The following PIK3C2G variants were observed in gnomAD, a reference collection of about 807,000 sequenced individuals.
PIK3C2G encodes phosphatidylinositol-4-phosphate 3-kinase catalytic subunit type 2 gamma, also known as phosphatidylinositol 3-kinase C2 domain-containing subunit gamma.
PIK3C2G carries 168 observed loss-of-function variants against 181.1 expected under a neutral mutation model. The ratio of observed to expected loss-of-function variants is 0.93; its 90% CI spans 0.82 to 1.05. The LOEUF (loss-of-function observed/expected upper bound fraction) is 1.05, where lower values mean the gene tolerates loss of function less well. Among genes scored for constraint, PIK3C2G ranks in the 50% least tolerant of loss-of-function variants. The probability of loss-of-function intolerance (pLI) is 0.00; values close to 1 mark genes in which losing one functional copy is unlikely to be tolerated. For synonymous variants in PIK3C2G, 573 were observed against 592.2 expected (o/e 0.97, Z 0.47); for missense variants, 1,869 against 1,732.8 (o/e 1.08, Z -1.40).
In PIK3C2G at chr12:18,265,689, C is replaced by T. The variant is rs529964197; in HGVS notation, c.-79+4112C>T. ...ATATTTGGTAATACTTTTAACTTTGCTTTAATTTTTTTATGTGTTTCTGTT... is the reference window on the plus strand; with the variant it reads ...ATATTTGGTAATACTTTTAACTTTGTTTTAATTTTTTTATGTGTTTCTGTT... On this transcript the variant is annotated intron_variant, in intron 1 of 32. Transcript: ENST00000538779. Among the ~76,000 whole-genome samples, 11 of 151,974 alleles carry T rather than the reference C, an allele frequency of 7.2e-5. No individual in the cohort carries two copies. In the East Asian group the frequency reaches 1.7e-3, roughly 24 times the overall value.
the PIK3C2G span, among the ~76,000 whole-genome samples, chr12:18,702,636 C>G: frequency 6.6e-6 from 1 of 152,036 alleles, no homozygotes; most frequent in Non-Finnish European, 1.5e-5. Context: ...ACCAAATGCA[C>G]TCTGCAATCC....
chr12:18,278,892 G>C (rs912385919), intron 1 of PIK3C2G, among the ~76,000 whole-genome samples: 1 of 151,970 alleles, frequency 6.6e-6, no homozygotes, highest in Non-Finnish European at 1.5e-5. Flanking sequence ...AAATGGATCT[G>C]GAAGAGGTTG....
intron 31 of PIK3C2G, among the ~76,000 whole-genome samples, chr12:18,638,935 A>G (rs1350251756): frequency 1.4e-5 from 2 of 144,922 alleles, no homozygotes; most frequent in African/African-American, 5.2e-5. Flanking sequence ...CACTTTTACT[A>G]CTTCACTCTT....
chr12:18,448,171 T>C (rs1262305439), intron 18 of PIK3C2G, among the ~76,000 whole-genome samples: 1 of 152,142 alleles, frequency 6.6e-6, no homozygotes, highest in East Asian at 1.9e-4. Context: ...ATAAAATTAT[T>C]TTTGAATAGT....
chr12:18,613,010 TC>T (rs1022119513), intron 31 of PIK3C2G, among the ~76,000 whole-genome samples: 2 of 152,116 alleles, frequency 1.3e-5, no homozygotes, highest in African/African-American at 4.8e-5. Flanking sequence ...GCCATGATTT[TC>T]TAAAACACCA....
chr12:18,526,703 C>A (rs988593988), intron 24 of PIK3C2G, among the ~76,000 whole-genome samples: 3 of 152,086 alleles, frequency 2.0e-5, no homozygotes, highest in African/African-American at 7.2e-5. Flanking sequence ...ATGAAGTCTT[C>A]TGCCAGTCAC....
chr12:18,548,296 G>T (rs144705445), intron 26 of PIK3C2G, among the ~76,000 whole-genome samples: 2 of 152,154 alleles, frequency 1.3e-5, no homozygotes, highest in East Asian at 3.9e-4. Flanking sequence ...GGACTGCAAG[G>T]CCTGTGTTCG....
intron 29 of PIK3C2G, among the ~76,000 whole-genome samples, chr12:18,569,227 T>C (rs1945798551): frequency 6.6e-6 from 1 of 152,024 alleles, no homozygotes; most frequent in Admixed American, 6.6e-5. Context: ...TGACCTACCC[T>C]GAGTCTGCCC....
At chr12:18,723,481 A>G in the PIK3C2G span, 1 of 1,612,976 alleles carries the variant, frequency 6.2e-7, no homozygotes, top group Non-Finnish European at 8.5e-7. Context: ...GTGCGTGATA[A>G]TTCGATAAAT....
the PIK3C2G span, among the ~76,000 whole-genome samples, chr12:18,715,258 G>A: frequency 7.3e-6 from 1 of 137,258 alleles, no homozygotes; most frequent in African/African-American, 2.6e-5. Flanking sequence ...AGAGATAAAA[G>A]TTGGAAGAAC....
downstream of PIK3C2G, among the ~76,000 whole-genome samples, chr12:18,650,367 GTGTGTGTGTC>G: frequency 2.9e-5 from 4 of 138,922 alleles, no homozygotes; most frequent in African/African-American, 8.6e-5. Flanking sequence ...GTGTGTGTGT[GTGTGTGTGTC>G]TGTGTGTCTG....
intron 30 of PIK3C2G, among the ~76,000 whole-genome samples, chr12:18,606,244 T>A (rs1295139721): frequency 6.6e-6 from 1 of 152,128 alleles, no homozygotes; most frequent in African/African-American, 2.4e-5. Context: ...CAATCACAAA[T>A]TTATGCTAAT....
chr12:18,693,730 A>T, the PIK3C2G span: 1 of 1,541,290 alleles, frequency 6.5e-7, no homozygotes, highest in Non-Finnish European at 9.0e-7. Context: ...AGTTGGATGG[A>T]TTTGATTCTA....
At chr12:18,441,701 AC>A (rs1436721900) in intron 18 of PIK3C2G, among the ~76,000 whole-genome samples, 1 of 152,118 alleles carries the variant, frequency 6.6e-6, no homozygotes, top group African/African-American at 2.4e-5. Flanking sequence ...TCTGTATGCA[AC>A]AAACTCAGAA....
At chr12:18,383,811 GTT>G (rs375202024) in intron 14 of PIK3C2G, among the ~76,000 whole-genome samples, 1 of 146,114 alleles carries the variant, frequency 6.8e-6, no homozygotes, top group Non-Finnish European at 1.5e-5. Flanking sequence ...GGGTTTGGGT[GTT>G]TTTTTTTTGA....
chr12:18,696,716 C>T, the PIK3C2G span, among the ~76,000 whole-genome samples: 1 of 151,904 alleles, frequency 6.6e-6, no homozygotes, highest in Admixed American at 6.6e-5. Flanking sequence ...TATACGATTC[C>T]AGCTAAATTA....
chr12:18,388,030 G>A (rs530423663), intron 14 of PIK3C2G, among the ~76,000 whole-genome samples: 4 of 152,086 alleles, frequency 2.6e-5, no homozygotes, highest in Admixed American at 6.5e-5. Context: ...TTCCATTATC[G>A]TCAGCGTTAG....
chr12:18,603,634 A>T (rs1187253094), intron 30 of PIK3C2G, among the ~76,000 whole-genome samples: 1 of 152,162 alleles, frequency 6.6e-6, no homozygotes, highest in African/African-American at 2.4e-5. Flanking sequence ...GCACCAGTTA[A>T]CCTATAAAGG....
At chr12:18,506,665 A>C (rs1163142554) in intron 24 of PIK3C2G, among the ~76,000 whole-genome samples, 1 of 152,184 alleles carries the variant, frequency 6.6e-6, no homozygotes, top group Non-Finnish European at 1.5e-5. Flanking sequence ...TGAAATAAGG[A>C]ATACTGATAG....
Sources: gnomAD v4.1 joint callset for allele counts (sites outside exome capture counted in the v4.1 genomes callset) on GRCh38, gnomAD v4.1.1 for gene constraint, MANE v1.5 for transcripts, NCBI Gene and HGNC (gene_info 2026-07-23, HGNC 2026-07-21) for gene names.